The following DNAH5 variants were observed in gnomAD, a reference collection of about 807,000 sequenced individuals.
The protein encoded by DNAH5 is dynein axonemal heavy chain 5, also known as axonemal beta dynein heavy chain 5.
Under a neutral mutation model 518.2 loss-of-function variants are expected in DNAH5, and 372 were observed. The ratio of observed to expected loss-of-function variants is 0.72; its 90% CI spans 0.66 to 0.78. DNAH5 has a LOEUF of 0.78. Among genes scored for constraint, DNAH5 ranks in the 30% least tolerant of loss-of-function variants. DNAH5 has a pLI of 0.00. For missense variants in DNAH5, 5,523 were observed against 5,687.0 expected (o/e 0.97, Z 0.93); for synonymous variants, 2,039 against 2,025.9 (o/e 1.01, Z -0.17).
At chr5:13,922,511 G>C (rs963809133) in intron 4 of DNAH5, among the ~76,000 whole-genome samples, 183 bp from the exon 5 acceptor site, 7 of 152,024 alleles carry the variant, frequency 4.6e-5, no homozygotes, top group African/African-American at 1.4e-4. Flanking sequence ...GGGATCACTT[G>C]AGGTCAGGTG....
At chr5:13,739,396 C>A (rs1045631546) in intron 65 of DNAH5, among the ~76,000 whole-genome samples, 6 of 152,064 alleles carry the variant, frequency 3.9e-5, no homozygotes, top group Admixed American at 3.3e-4. Flanking sequence ...GTCTTGCCAC[C>A]CTGTGAAGAA....
chr5:13,837,508 C>A (rs1457586613), intron 35 of DNAH5, among the ~76,000 whole-genome samples: 2 of 151,748 alleles, frequency 1.3e-5, no homozygotes, highest in East Asian at 3.9e-4. Context: ...TGCATGAGAA[C>A]AGGCACCCAG....
chr5:13,770,237 A>T (rs536803482), intron 56 of DNAH5, among the ~76,000 whole-genome samples: 36 of 152,308 alleles, frequency 2.4e-4, no homozygotes, highest in Middle Eastern at 3.4e-3. Context: ...CATTTGGAAG[A>T]AACTTCAGGG....
At chr5:13,982,353 T>C (rs116291136) in intron 1 of DNAH5, among the ~76,000 whole-genome samples, 9,489 of 151,352 alleles carry the variant, frequency 0.063, 373 homozygotes, top group Non-Finnish European at 0.087. Flanking sequence ...GACATACGCA[T>C]TATTGCATGA....
At chr5:13,942,977 C>T (rs1779601144) in intron 1 of DNAH5, among the ~76,000 whole-genome samples, 1 of 152,168 alleles carries the variant, frequency 6.6e-6, no homozygotes, top group Non-Finnish European at 1.5e-5. Flanking sequence ...ACATAATACA[C>T]TGCAATACTA....
chr5:13,718,896 T>C lies in DNAH5; in HGVS notation c.12485A>G (p.Lys4162Arg), dbSNP rs1744669308. The change falls in exon 72 of 79, where the codon AAA (lysine) becomes AGA (arginine). Residue 4162 changes from lysine (K) to arginine (R), a missense_variant. By Grantham distance (26) the Lys-to-Arg change is conservative (BLOSUM62 2). This residue lies in a region of DNAH5 where 5,121 missense variants were observed against 5,223.3 expected (regional missense o/e 0.98). Coordinates refer to ENST00000265104, the MANE Select transcript of DNAH5 (RefSeq NM_001369.3). Reference protein sequence around the residue: ...DPPQGLRAGLKRTYSGVSQDL... With the variant: ...DPPQGLRAGLRRTYSGVSQDL... ...TCTGGACTCACCACTATATGTTCTTTTCAGTCCTGCCCGGAGTCCTTGTGG... is the reference window on the plus strand; with the variant it reads ...TCTGGACTCACCACTATATGTTCTTCTCAGTCCTGCCCGGAGTCCTTGTGG... 3.1e-6 allele frequency: 5 copies of C among 1,613,448 alleles called. No individual in the cohort carries two copies. In the South Asian group the frequency reaches 4.4e-5, roughly 14 times the overall value.
At chr5:13,990,275 A>G (rs10039337) in intron 1 of DNAH5, among the ~76,000 whole-genome samples, 46,119 of 151,952 alleles carry the variant, frequency 0.3, 7,296 homozygotes, top group East Asian at 0.61. Flanking sequence ...CCCGGCGGCC[A>G]GGCACGGTGG....
rs1157548763 is a variant in DNAH5, at chr5:13,798,740, T to TTTTATTTA, written c.7888-4690_7888-4683dup. Among the ~76,000 whole-genome samples the TTTTATTTA allele has an allele frequency of 1.0e-3, 91 of 87,274 alleles. 1 individual carries two copies. The highest frequency in any genetic ancestry group is 1.5e-3 in the Non-Finnish European group (59 of 38,100). The allele number at this position is 87,274 out of a possible 152,430, so 57.3% of individuals were successfully genotyped here. A position where few individuals can be genotyped will look rare whatever the true frequency, so the allele number is the denominator to read the frequency against. On this transcript the variant is annotated intron_variant, in intron 47 of 78. Transcript: ENST00000265104. ...TACATTTTCATCATGATTTTATTTATTTTATTTATTTATTTATTTATTTAT... is the reference window on the plus strand; with the variant it reads ...TACATTTTCATCATGATTTTATTTATTTTATTTATTTATTTATTTATTTATTTATTTAT...
intron 65 of DNAH5, among the ~76,000 whole-genome samples, chr5:13,749,018 A>G (rs1321503813): frequency 6.6e-6 from 1 of 152,026 alleles, no homozygotes; most frequent in Non-Finnish European, 1.5e-5. Context: ...CACCACCCAG[A>G]CTGAGAAGGT....
chr5:13,886,548 T>A (rs1368984451), intron 17 of DNAH5, among the ~76,000 whole-genome samples: 1 of 152,222 alleles, frequency 6.6e-6, no homozygotes, highest in African/African-American at 2.4e-5. Flanking sequence ...ATATTGTGCA[T>A]TTCTCAAGAA....
intron 21 of DNAH5, among the ~76,000 whole-genome samples, chr5:13,879,811 T>C (rs1331400859): frequency 6.6e-6 from 1 of 152,046 alleles, no homozygotes; most frequent in African/African-American, 2.4e-5. Context: ...TTAACAGACT[T>C]ATGGGACACC....
At chr5:13,919,381 C>T (rs1777013387) in intron 6 of DNAH5, 29 bp from the exon 7 acceptor site, 1 of 1,611,774 alleles carries the variant, frequency 6.2e-7, no homozygotes, top group Non-Finnish European at 8.5e-7. Flanking sequence ...AAACACGAGC[C>T]ATTGCACGGG....
At chr5:13,862,126 T>C (rs1768538408) in intron 29 of DNAH5, among the ~76,000 whole-genome samples, 1 of 152,138 alleles carries the variant, frequency 6.6e-6, no homozygotes, top group African/African-American at 2.4e-5. Context: ...TCCTGGATTC[T>C]ACAGCCTGTA....
rs1259354183 is a variant in DNAH5, at chr5:13,758,996, C to T, written c.10282-13G>A. 1.9e-6 allele frequency: 3 copies of T among 1,614,036 alleles called. No individual in the cohort carries two copies. Among genetic ancestry groups the T allele is most frequent in the Admixed American group, 3.3e-5 (2 of 60,032 alleles). ...CCACCAAGTTGGCCTGCACAGGACACACACAGAGTGAAGAGATGGGCAGCC... is the reference window on the plus strand; with the variant it reads ...CCACCAAGTTGGCCTGCACAGGACATACACAGAGTGAAGAGATGGGCAGCC... On this transcript the variant is annotated splice_polypyrimidine_tract_variant and intron_variant, in intron 60 of 78. Transcript: ENST00000265104.
intron 35 of DNAH5, among the ~76,000 whole-genome samples, chr5:13,835,038 A>T (rs1038276729): frequency 1.3e-5 from 2 of 152,274 alleles, no homozygotes; most frequent in South Asian, 2.1e-4. Context: ...TAATCCCAGC[A>T]CTTTGGGAGG....
Position 13,842,441 on chromosome 5 carries a change from A to AAGAGAGAGAGAGAGAGAGAGAGAGAGAG in DNAH5, c.5272-538_5272-537insCTCTCTCTCTCTCTCTCTCTCTCTCTCT, listed in dbSNP as rs1177610939. 1.6e-4 allele frequency among the ~76,000 whole-genome samples: 16 copies of AAGAGAGAGAGAGAGAGAGAGAGAGAGAG among 102,152 alleles called. 2 individuals carry two copies. Among genetic ancestry groups the AAGAGAGAGAGAGAGAGAGAGAGAGAGAG allele is most frequent in the African/African-American group, 5.6e-4 (13 of 23,286 alleles). The allele number at this position is 102,152 out of a possible 152,430, so 67.0% of individuals were successfully genotyped here. A position where few individuals can be genotyped will look rare whatever the true frequency, so the allele number is the denominator to read the frequency against. On this transcript the variant is annotated intron_variant, in intron 32 of 78. Transcript: ENST00000265104. ...AGAAAAGAAAAGAAAGAAAGAAAGA[A>AAGAGAGAGAGAGAGAGAGAGAGAGAGAG]AGAAAGAAAGAAAGAAAGAAAGAAA...
intron 45 of DNAH5, 104 bp from the exon 46 acceptor site, chr5:13,809,290 C>A (rs1760213023): frequency 7.4e-7 from 1 of 1,360,214 alleles, no homozygotes; most frequent in Non-Finnish European, 1.0e-6. Context: ...TCCAAATTCT[C>A]CCCATAAAAT....
At chr5:13,853,591 T>C (rs1361918669) in intron 30 of DNAH5, among the ~76,000 whole-genome samples, 2 of 152,072 alleles carry the variant, frequency 1.3e-5, no homozygotes, top group Non-Finnish European at 2.9e-5. Flanking sequence ...AAGGAGCATG[T>C]TCTAACCCAA....
chr5:13,828,540 G>C (rs1370031784), intron 38 of DNAH5, among the ~76,000 whole-genome samples: 2 of 152,154 alleles, frequency 1.3e-5, no homozygotes, highest in African/African-American at 4.8e-5. Flanking sequence ...AGAGACAACA[G>C]GTTGTATGTG....
Sources: allele counts gnomAD v4.1 joint callset (sites outside exome capture counted in the v4.1 genomes callset), GRCh38; gene constraint gnomAD v4.1.1; regional missense constraint gnomAD v4.1.1; transcripts MANE v1.5; gene names NCBI Gene and HGNC (gene_info 2026-07-23, HGNC 2026-07-21).